The following AGBL4 variants were observed in gnomAD, a reference collection of about 807,000 sequenced individuals.
AGBL4 encodes the protein AGBL carboxypeptidase 4.
In AGBL4, 58 loss-of-function variants were observed where a neutral mutation model predicts 66.4. That is an observed-to-expected ratio of 0.87 (90% CI 0.71 to 1.09). AGBL4 has a LOEUF of 1.09. Among genes scored for constraint, AGBL4 ranks in the 50% least tolerant of loss-of-function variants. AGBL4 has a pLI of 0.00. For synonymous variants in AGBL4, 234 were observed against 222.9 expected, an observed-to-expected ratio of 1.05 and a Z score of -0.44; for missense variants, 579 against 631.0, an observed-to-expected ratio of 0.92 and a Z score of 0.88.
intron 2 of AGBL4, among the ~76,000 whole-genome samples, chr1:49,754,816 A>G (rs1273150147): frequency 2.0e-5 from 3 of 152,198 alleles, no homozygotes; most frequent in Non-Finnish European, 4.4e-5. Flanking sequence ...ATCGGTTAAA[A>G]CAATCATGGA....
At position 49,347,015 on chromosome 1, in the gene AGBL4, G is replaced by C. The variant is rs1645644561; in HGVS notation, c.283-101151C>G. ...AATATCCTGATGTTCTTCCAATGTTGTAAGAACAAAAGCATTCTTAGTTTA... is the reference window on the plus strand; with the variant it reads ...AATATCCTGATGTTCTTCCAATGTTCTAAGAACAAAAGCATTCTTAGTTTA... On this transcript the variant is annotated intron_variant, in intron 3 of 13. Transcript: ENST00000371839. Among the ~76,000 whole-genome samples, 3 of 152,146 alleles carry C rather than the reference G, an allele frequency of 2.0e-5. No homozygotes were observed. The South Asian group carries it at 6.2e-4, about 31-fold the overall frequency.
At position 48,574,031 on chromosome 1, in the gene AGBL4, C is replaced by T. The variant is rs559169676; in HGVS notation, c.1267+12973G>A. 6.6e-5 allele frequency among the ~76,000 whole-genome samples: 10 copies of T among 152,340 alleles called. No individual in the cohort carries two copies. The South Asian group carries it at 2.1e-3, about 32-fold the overall frequency. On this transcript the variant is annotated intron_variant, in intron 11 of 13. Coordinates refer to ENST00000371839, the MANE Select transcript of AGBL4 (RefSeq NM_032785.4). ...GAGATTTGAACCCAGGTCAGCCTGGCTCCAAAGACTATGCTTGCTTCATTC... is the reference window on the plus strand; with the variant it reads ...GAGATTTGAACCCAGGTCAGCCTGGTTCCAAAGACTATGCTTGCTTCATTC...
At chr1:49,083,259 C>T (rs927364647) in intron 4 of AGBL4, among the ~76,000 whole-genome samples, 20 of 152,284 alleles carry the variant, frequency 1.3e-4, no homozygotes, top group African/African-American at 3.4e-4. Context: ...GGGGACTCTG[C>T]GTTGGGACTC....
chr1:48,886,248 G>A (rs914523181), intron 5 of AGBL4, among the ~76,000 whole-genome samples: 10 of 152,152 alleles, frequency 6.6e-5, no homozygotes, highest in East Asian at 3.9e-4. Flanking sequence ...TGGGGGTCCC[G>A]TTCCACTGCA....
At chr1:49,365,695 C>T (rs1644229227) in intron 3 of AGBL4, among the ~76,000 whole-genome samples, 1 of 151,852 alleles carries the variant, frequency 6.6e-6, no homozygotes, top group Admixed American at 6.6e-5. Context: ...TTTTTCAATA[C>T]CTTGTGCCAC....
intron 3 of AGBL4, among the ~76,000 whole-genome samples, chr1:49,284,172 T>C (rs1644349782): frequency 6.6e-6 from 1 of 152,132 alleles, no homozygotes; most frequent in African/African-American, 2.4e-5. Flanking sequence ...GCAGCGGATC[T>C]CTCGGCAGAA....
intron 5 of AGBL4, among the ~76,000 whole-genome samples, chr1:48,962,380 T>C (rs1658073960): frequency 6.6e-6 from 1 of 152,180 alleles, no homozygotes; most frequent in Non-Finnish European, 1.5e-5. Flanking sequence ...TTCCTACTCC[T>C]TTTCTTAATT....
chr1:49,125,620 T>G (rs775119862), intron 4 of AGBL4, among the ~76,000 whole-genome samples: 1 of 152,146 alleles, frequency 6.6e-6, no homozygotes, highest in South Asian at 2.1e-4. Flanking sequence ...TAAAATATTA[T>G]AGAAAATAAT....
At chr1:48,821,137 T>C (rs1646303769) in intron 6 of AGBL4, among the ~76,000 whole-genome samples, 1 of 152,040 alleles carries the variant, frequency 6.6e-6, no homozygotes, top group South Asian at 2.1e-4. Context: ...AAAAGGGATA[T>C]GTTGATGGAA....
rs547344575 is a variant in AGBL4, at chr1:49,749,090, T to C, written c.158-51653A>G. ...GTAATGAAGTCTTTGCCCATGCCTA[T>C]GTCCTGAATGGTATTGCCTAGGTTT... On this transcript the variant is annotated intron_variant, in intron 2 of 13. Transcript: ENST00000371839. Among the ~76,000 whole-genome samples, 8 of 152,372 alleles carry C rather than the reference T, an allele frequency of 5.3e-5. No individual in the cohort carries two copies. The East Asian group carries it at 1.5e-3, about 29-fold the overall frequency.
intron 6 of AGBL4, among the ~76,000 whole-genome samples, chr1:48,839,492 A>T (rs2148794592): frequency 6.6e-6 from 1 of 152,292 alleles, no homozygotes; most frequent in African/African-American, 2.4e-5. Context: ...CAAATGTCAC[A>T]TGTTCTTACT....
At chr1:49,296,221 A>G (rs993042142) in intron 3 of AGBL4, among the ~76,000 whole-genome samples, 1 of 152,210 alleles carries the variant, frequency 6.6e-6, no homozygotes, top group Non-Finnish European at 1.5e-5. Context: ...GTGAACATCA[A>G]TATCTCTATT....
In AGBL4 at chr1:48,988,735, A is replaced by C. The variant is rs74076752; in HGVS notation, c.594+56849T>G. The stretch of plus-strand genomic sequence containing the variant: ...GATAAAGGAGAGAAAAATTCAATTT[A>C]GAAGGCCTTCATAACTCTTCACGAA... On this transcript the variant is annotated intron_variant, in intron 5 of 13. Transcript: ENST00000371839. Among the ~76,000 whole-genome samples, 539 of 152,282 alleles carry C rather than the reference A, an allele frequency of 3.5e-3. 2 individuals carry two copies. Among genetic ancestry groups the C allele is most frequent in the African/African-American group, 0.012 (504 of 41,558 alleles).
At chr1:48,543,982 C>T (rs957462046) in intron 11 of AGBL4, among the ~76,000 whole-genome samples, 4 of 152,196 alleles carry the variant, frequency 2.6e-5, no homozygotes, top group Admixed American at 6.5e-5. Context: ...ATGAGCTTTC[C>T]ACTATCCTGG....
intron 2 of AGBL4, among the ~76,000 whole-genome samples, chr1:49,730,312 A>G (rs1649341721): frequency 6.6e-6 from 1 of 152,130 alleles, no homozygotes; most frequent in Non-Finnish European, 1.5e-5. Context: ...GGGCAGTAAC[A>G]CACTCCAGGC....
chr1:49,677,068 T>C (rs1194971371), intron 3 of AGBL4, among the ~76,000 whole-genome samples: 1 of 152,056 alleles, frequency 6.6e-6, no homozygotes, highest in African/African-American at 2.4e-5. Context: ...CCAAGTTCAA[T>C]AGTAACAGTT....
At chr1:49,113,783 A>G (rs954697569) in intron 4 of AGBL4, among the ~76,000 whole-genome samples, 2 of 152,204 alleles carry the variant, frequency 1.3e-5, no homozygotes, top group South Asian at 2.1e-4. Flanking sequence ...TCTCCATCAG[A>G]GCTCTTGGGT....
chr1:48,951,073 A>T (rs1440325316), intron 5 of AGBL4, among the ~76,000 whole-genome samples: 1 of 152,204 alleles, frequency 6.6e-6, no homozygotes, highest in African/African-American at 2.4e-5. Flanking sequence ...AAAAAATCTT[A>T]GGTTCAGAGA....
chr1:49,814,405 GT>G (rs1645182356), intron 2 of AGBL4, among the ~76,000 whole-genome samples: 1 of 152,078 alleles, frequency 6.6e-6, no homozygotes, highest in South Asian at 2.1e-4. Context: ...GTACTTACTT[GT>G]ATCCACTATC....
Sources: gnomAD v4.1 joint callset for allele counts (sites outside exome capture counted in the v4.1 genomes callset) on GRCh38, gnomAD v4.1.1 for gene constraint, MANE v1.5 for transcripts, NCBI Gene and HGNC (gene_info 2026-07-23, HGNC 2026-07-21) for gene names.